TFAP2A: variants seen among roughly 807,000 people sequenced by gnomAD.
TFAP2A encodes the protein transcription factor AP-2-alpha.
Under a neutral mutation model 41.5 loss-of-function variants are expected in TFAP2A, and 7 were observed. The observed-to-expected ratio is 0.17, with a 90% CI of 0.10 to 0.32. The LOEUF (loss-of-function observed/expected upper bound fraction) is 0.32. TFAP2A is among the 10% of genes least tolerant of loss of function. TFAP2A has a pLI of 1.00. For synonymous variants in TFAP2A, 247 were observed against 242.8 expected, an observed-to-expected ratio of 1.02 and a Z score of -0.16; for missense variants, 416 against 563.3, an observed-to-expected ratio of 0.74 and a Z score of 2.65.
Position 10,398,829 on chromosome 6 carries a change from C to T in TFAP2A, c.1032-124G>A. On this transcript the variant is annotated intron_variant, in intron 6 of 6. Coordinates refer to ENST00000379613, the MANE Select transcript of TFAP2A (RefSeq NM_001372066.1). This position sits in a 1 kb window ranked among gnomAD's most constrained non-coding sequence, Gnocchi z 5.3. ...GGATCCAGCCGGTACCTGACATGAC[C>T]CAAGACCCCAGAGACAGACAGTGTG... 1 of 1,140,888 alleles carries T rather than the reference C, an allele frequency of 8.8e-7. No individual in the cohort carries two copies. Among genetic ancestry groups the T allele is most frequent in the Non-Finnish European group, 1.2e-6 (1 of 807,936 alleles). 70.7% of individuals were successfully genotyped at this position (1,140,888 alleles called of 1,614,324 possible).
At chr6:10,412,809 C>T in intron 1 of TFAP2A, 1 of 189,110 alleles carries the variant, frequency 5.3e-6, no homozygotes, top group South Asian at 6.9e-5. Flanking sequence ...GGGACCGGCC[C>T]GCTCGCTGCA....
rs78186274 is a variant in TFAP2A at position 10,397,661 on chromosome 6, A to T, written c.*756T>A. ...AAGAGGTAAACAAGATCAGATAAAT[A>T]AAAAAAAAAAGGCTTAAAACAGACT... On this transcript the variant is annotated 3_prime_UTR_variant, in exon 7 of 7. Transcript: ENST00000379613. The T allele has an allele frequency of 1.1e-4, 9 of 85,410 alleles. No individual in the cohort carries two copies. The highest frequency in any genetic ancestry group is 2.7e-4 in the South Asian group (1 of 3,746). The allele number at this position is 85,410 out of a possible 1,614,324, so 5.3% of individuals were successfully genotyped here. A position where few individuals can be genotyped will look rare whatever the true frequency, so the allele number is the denominator to read the frequency against.
rs181105841 is a variant in TFAP2A at position 10,398,552 on chromosome 6, G to A, written c.1185C>T (p.Ala395=). The A allele has an allele frequency of 1.9e-5, 31 of 1,614,098 alleles. No homozygotes were observed. In the Middle Eastern group the frequency reaches 2.3e-3, roughly 120 times the overall value. The change falls in exon 7 of 7, where the codon GCC becomes GCT. Residue 395 remains alanine, a synonymous_variant. Transcript: ENST00000379613. The surrounding 1 kb of genome is among the most constrained non-coding windows in gnomAD (Gnocchi z 5.3). The part of the protein sequence containing the change: ...SHGFGSPAVC[A]AVTALQNYLT... ...GATAGTTCTGCAGGGCCGTGACCGC[G>A]GCACACACCGCGGGGCTGCCGAAGC...
At chr6:10,411,589 A>T in intron 1 of TFAP2A, 1 of 1,614,022 alleles carries the variant, frequency 6.2e-7, no homozygotes, top group Non-Finnish European at 8.5e-7. Context: ...AAAACTGTGA[A>T]CTAACATCTG....
intron 6 of TFAP2A, among the ~76,000 whole-genome samples, chr6:10,399,348 G>GA (rs1182360907): frequency 1.8e-4 from 28 of 152,352 alleles, no homozygotes; most frequent in African/African-American, 6.7e-4. Flanking sequence ...TTGGGAAGAA[G>GA]AAACAGACAT....
chr6:10,414,124 A>G (rs940757232), intron 1 of TFAP2A, among the ~76,000 whole-genome samples: 1 of 152,362 alleles, frequency 6.6e-6, no homozygotes, highest in African/African-American at 2.4e-5. Flanking sequence ...TTGCGGCACC[A>G]GAGGTGGTCT....
upstream of TFAP2A, chr6:10,415,774 C>G (rs1758219254): frequency 6.6e-6 from 1 of 152,350 alleles, no homozygotes; most frequent in South Asian, 2.1e-4. Context: ...CGCCTCCGCT[C>G]GAGGCAGCCA....
chr6:10,418,054 C>T (rs148538288), upstream of TFAP2A: 3 of 152,338 alleles, frequency 2.0e-5, no homozygotes, highest in East Asian at 5.8e-4. Context: ...TTAGGAAGGG[C>T]CTTTAGCCCA....
upstream of TFAP2A, chr6:10,419,573 T>C: frequency 1.1e-5 from 14 of 1,297,070 alleles, no homozygotes; most frequent in Non-Finnish European, 1.3e-5. Context: ...ACATCTCACC[T>C]GGTCATAAAG....
intron 4 of TFAP2A, among the ~76,000 whole-genome samples, chr6:10,404,131 G>A (rs1757555739): frequency 1.3e-5 from 2 of 152,250 alleles, no homozygotes; most frequent in Non-Finnish European, 2.9e-5. Context: ...CAAGGTGTGC[G>A]CGAAGAGGGA....
intron 3 of TFAP2A, chr6:10,406,426 T>G: frequency 3.7e-6 from 1 of 266,940 alleles, no homozygotes; most frequent in Non-Finnish European, 7.2e-6. Flanking sequence ...TGTTAAATTA[T>G]TTGTACTATT....
At chr6:10,399,454 A>G (rs970480431) in intron 6 of TFAP2A, among the ~76,000 whole-genome samples, 1 of 152,238 alleles carries the variant, frequency 6.6e-6, no homozygotes, top group African/African-American at 2.4e-5. Flanking sequence ...GCCTGGGGAA[A>G]GAGAAAGTTG....
rs748104991 is a variant in TFAP2A, at chr6:10,404,490, G to GGCCGT, written c.770+13_770+17dup. 2.3e-5 allele frequency: 35 copies of GGCCGT among 1,545,152 alleles called. 1 individual carries two copies. In the South Asian group the frequency reaches 3.5e-4, roughly 15 times the overall value. ...CCCGGCCGCGGGGCGGGGCGGGCGG[G>GGCCGT]GCCGTGCCGGGCCTCACCTCCGGAG... is the stretch of plus-strand genomic sequence containing the variant. On this transcript the variant is annotated intron_variant, in intron 4 of 6. Transcript: ENST00000379613.
chr6:10,408,547 T>TTA (rs1462898589), intron 2 of TFAP2A, among the ~76,000 whole-genome samples: 2 of 152,246 alleles, frequency 1.3e-5, no homozygotes, highest in Non-Finnish European at 2.9e-5. Context: ...TAAATTGCTC[T>TTA]TATATAAATT....
At position 10,402,529 on chromosome 6, in the gene TFAP2A, T is replaced by C; in HGVS notation, c.852A>G (p.Lys284=). 3 of 1,614,186 alleles carry C rather than the reference T, an allele frequency of 1.9e-6. No individual in the cohort carries two copies. The highest frequency in any genetic ancestry group is 2.5e-6 in the Non-Finnish European group (3 of 1,180,006). The change falls in exon 5 of 7, where the codon AAA becomes AAG. Residue 284 remains lysine, a synonymous_variant. Transcript: ENST00000379613. ...IGLNLPAGRR[K]AANVTLLTSL... is the part of the protein sequence containing the mutation. ...ATGTGAGCAGGGTAACGTTGGCAGC[T>C]TTACGTCTCCCTGCAGGCAGATTTA...
intron 5 of TFAP2A, among the ~76,000 whole-genome samples, chr6:10,401,371 C>T (rs1761998491): frequency 1.3e-5 from 2 of 152,158 alleles, no homozygotes; most frequent in South Asian, 2.1e-4. Context: ...ATAGTGGGTT[C>T]TCTATGGACT....
intron 5 of TFAP2A, 178 bp downstream of exon 5, chr6:10,402,314 T>C (rs1273095452): frequency 2.9e-6 from 2 of 693,810 alleles, no homozygotes; most frequent in Admixed American, 2.0e-5. Context: ...GATGGAGGTA[T>C]AGGAGTACAT....
At chr6:10,411,632 A>T (rs1228145882) in intron 1 of TFAP2A, 1 of 1,613,648 alleles carries the variant, frequency 6.2e-7, no homozygotes, top group Admixed American at 1.7e-5. Context: ...CAGGGTGGAA[A>T]AAAACAAGCA....
chr6:10,405,604 C>A (rs1354478537), intron 3 of TFAP2A: 1 of 152,010 alleles, frequency 6.6e-6, no homozygotes, highest in Non-Finnish European at 1.5e-5. Context: ...AAATAGAAGA[C>A]CTGCAGAAAG....
Sources: allele counts gnomAD v4.1 joint callset (sites outside exome capture counted in the v4.1 genomes callset), GRCh38; gene constraint gnomAD v4.1.1; non-coding constraint Gnocchi (gnomAD v3.1); transcripts MANE v1.5; gene names NCBI Gene and HGNC (gene_info 2026-07-23, HGNC 2026-07-21).